Variants in CNOT6L observed in about 807,000 individuals in gnomAD.
CNOT6L encodes the protein CCR4-NOT transcription complex subunit 6-like.
Under a neutral mutation model 64.0 loss-of-function variants are expected in CNOT6L, and 7 were observed. The observed-to-expected ratio is 0.11, with a 90% confidence interval of 0.06 to 0.21. The LOEUF (loss-of-function observed/expected upper bound fraction) is 0.21. Ranked by LOEUF, CNOT6L falls within the 10% of genes least tolerant of loss-of-function variation. The pLI is 1.00. For missense variants in CNOT6L, 245 were observed against 669.0 expected (o/e 0.37, Z 6.99); for synonymous variants, 193 against 243.4 (o/e 0.79, Z 1.93).
intron 5 of CNOT6L, among the ~76,000 whole-genome samples, chr4:77,754,913 A>ACAAAAAC (rs1725337606): frequency 7.0e-6 from 1 of 143,680 alleles, no homozygotes. Context: ...AAAAAAAAAA[A>ACAAAAAC]CCGGTTTCTA....
At chr4:77,797,796 G>A (rs1236114333) in intron 1 of CNOT6L, among the ~76,000 whole-genome samples, 2 of 152,034 alleles carry the variant, frequency 1.3e-5, no homozygotes, top group Non-Finnish European at 2.9e-5. Context: ...ATCCACTGAG[G>A]GTCTTGGAAT....
intron 4 of CNOT6L, among the ~76,000 whole-genome samples, chr4:77,767,555 G>C (rs902815573): frequency 3.9e-5 from 6 of 152,028 alleles, no homozygotes; most frequent in African/African-American, 1.5e-4. Context: ...ATACACAAGA[G>C]AAGTGACTTT....
intron 8 of CNOT6L, among the ~76,000 whole-genome samples, chr4:77,737,876 A>ACC (rs1485923250): frequency 6.1e-4 from 93 of 152,318 alleles, no homozygotes; most frequent in African/African-American, 2.2e-3. Flanking sequence ...AAATTACCAG[A>ACC]AGAGTACAGA....
chr4:77,742,678 A>C (rs1469040029), intron 7 of CNOT6L, among the ~76,000 whole-genome samples: 6 of 152,190 alleles, frequency 3.9e-5, no homozygotes, highest in African/African-American at 7.2e-5. Context: ...ATAAAAAGGT[A>C]ATTTAAAAAC....
At chr4:77,802,691 T>C (rs767369238) in intron 1 of CNOT6L, among the ~76,000 whole-genome samples, 11 of 152,222 alleles carry the variant, frequency 7.2e-5, no homozygotes, top group Non-Finnish European at 1.2e-4. Context: ...ATTTGAATTA[T>C]TGCATTTAAC....
intron 8 of CNOT6L, among the ~76,000 whole-genome samples, chr4:77,741,343 A>T (rs1365886410): frequency 6.6e-6 from 1 of 152,186 alleles, no homozygotes; most frequent in Non-Finnish European, 1.5e-5. Context: ...CTTTGGTAAA[A>T]TAGATGTAAA....
intron 6 of CNOT6L, among the ~76,000 whole-genome samples, chr4:77,745,267 T>C (rs970809157): frequency 3.3e-5 from 5 of 152,186 alleles, no homozygotes; most frequent in African/African-American, 1.2e-4. Flanking sequence ...TAACAAAATA[T>C]CTAAGTATTT....
chr4:77,788,281 T>TA (rs1165493355), intron 1 of CNOT6L, among the ~76,000 whole-genome samples: 1 of 152,172 alleles, frequency 6.6e-6, no homozygotes, highest in African/African-American at 2.4e-5. Flanking sequence ...TATGATTATC[T>TA]AAAAATTCAA....
rs570491551 is a variant in CNOT6L, at chr4:77,772,766, CA to C, written c.400+314del. ...TGAAACCCCGTCTCTACTAAAAATACAAAAAAATTAGCCGGGCATGGTGGCG... is the reference window on the plus strand; with the variant it reads ...TGAAACCCCGTCTCTACTAAAAATACAAAAAATTAGCCGGGCATGGTGGCG... On this transcript the variant is annotated intron_variant, in intron 4 of 11. Transcript: ENST00000504123. 8.0e-4 allele frequency among the ~76,000 whole-genome samples: 121 copies of C among 151,970 alleles called. 1 individual carries two copies. The highest frequency in any genetic ancestry group is 1.4e-3 in the Non-Finnish European group (92 of 67,934).
chr4:77,781,570 G>A (rs1728859782), intron 1 of CNOT6L, among the ~76,000 whole-genome samples: 1 of 151,956 alleles, frequency 6.6e-6, no homozygotes, highest in Non-Finnish European at 1.5e-5. Context: ...ATATACTATT[G>A]TTAACCCCAA....
intron 9 of CNOT6L, among the ~76,000 whole-genome samples, chr4:77,730,200 A>G (rs1470509742): frequency 6.6e-6 from 1 of 152,118 alleles, no homozygotes; most frequent in Non-Finnish European, 1.5e-5. Flanking sequence ...ATTATCTTCA[A>G]TGTTGAGAAA....
intron 4 of CNOT6L, among the ~76,000 whole-genome samples, chr4:77,764,427 A>C (rs1434103983): frequency 6.6e-6 from 1 of 152,224 alleles, no homozygotes. Context: ...GAGATGATCC[A>C]ACAAAATTGA....
At chr4:77,810,014 AAAT>A (rs1396855382) in intron 1 of CNOT6L, among the ~76,000 whole-genome samples, 8 of 151,124 alleles carry the variant, frequency 5.3e-5, no homozygotes, top group Non-Finnish European at 8.9e-5. Flanking sequence ...ATTTCTTTAA[AAAT>A]AATAATAAAT....
At chr4:77,754,268 C>T (rs1295448961) in intron 5 of CNOT6L, among the ~76,000 whole-genome samples, 1 of 152,144 alleles carries the variant, frequency 6.6e-6, no homozygotes, top group Admixed American at 6.5e-5. Flanking sequence ...ATACAAAACT[C>T]AATTGTATTC....
At chr4:77,720,697 C>T (rs1721186964) in intron 11 of CNOT6L, 54 bp from the exon 12 acceptor site, 2 of 1,579,580 alleles carry the variant, frequency 1.3e-6, no homozygotes, top group African/African-American at 1.4e-5. Flanking sequence ...ATATAAAGAA[C>T]AATCCATAAT....
intron 3 of CNOT6L, among the ~76,000 whole-genome samples, 193 bp downstream of exon 3, chr4:77,774,337 C>T (rs1727929486): frequency 6.6e-6 from 1 of 152,114 alleles, no homozygotes; most frequent in African/African-American, 2.4e-5. Context: ...TACAAGCACA[C>T]TCTAATTCAG....
intron 10 of CNOT6L, 70 bp downstream of exon 10, chr4:77,728,784 G>A (rs1722145450): frequency 2.5e-6 from 3 of 1,185,896 alleles, no homozygotes; most frequent in African/African-American, 1.5e-5. Flanking sequence ...CAAAATTTAG[G>A]AGCTAGCTGG....
At chr4:77,773,222 G>A (rs1727790785) in intron 3 of CNOT6L, 56 bp from the exon 4 acceptor site, 1 of 1,102,950 alleles carries the variant, frequency 9.1e-7, no homozygotes, top group Middle Eastern at 3.1e-4. Flanking sequence ...ATTAACATCT[G>A]TATTTGCCAT....
intron 1 of CNOT6L, among the ~76,000 whole-genome samples, chr4:77,800,619 T>C (rs1731423166): frequency 6.6e-6 from 1 of 152,238 alleles, no homozygotes; most frequent in African/African-American, 2.4e-5. Flanking sequence ...AACCAAATTA[T>C]ACAATATTTT....
Sources: allele counts gnomAD v4.1 joint callset (sites outside exome capture counted in the v4.1 genomes callset), GRCh38; gene constraint gnomAD v4.1.1; transcripts MANE v1.5; gene names NCBI Gene and HGNC (gene_info 2026-07-23, HGNC 2026-07-21).